The following CDH13 variants were observed in gnomAD, a reference collection of about 807,000 sequenced individuals.
The protein encoded by CDH13 is cadherin-13.
A neutral mutation model predicts 63.8 loss-of-function variants in CDH13; 24 were observed. The observed-to-expected ratio is 0.38, with a 90% confidence interval of 0.27 to 0.53. CDH13 has a LOEUF of 0.53. Among genes scored for constraint, CDH13 ranks in the 20% least tolerant of loss-of-function variants. The pLI is 0.85. For missense variants in CDH13, 1,049 were observed against 903.1 expected (o/e 1.16, Z -2.07); for synonymous variants, 503 against 355.3 (o/e 1.42, Z -4.67).
At chr16:83,147,123 G>A (rs1209154231) in intron 4 of CDH13, among the ~76,000 whole-genome samples, 2 of 152,188 alleles carry the variant, frequency 1.3e-5, no homozygotes, top group African/African-American at 4.8e-5. Flanking sequence ...CTCCAAAGGT[G>A]GAGCGATAGC....
chr16:83,551,943 A>T (rs2150672010), intron 7 of CDH13, among the ~76,000 whole-genome samples: 1 of 152,324 alleles, frequency 6.6e-6, no homozygotes, highest in East Asian at 1.9e-4. Context: ...TGGGTAGATA[A>T]GTGGATAGGT....
chr16:83,704,918 G>C (rs754573082), intron 10 of CDH13, among the ~76,000 whole-genome samples: 1 of 152,184 alleles, frequency 6.6e-6, no homozygotes, highest in Non-Finnish European at 1.5e-5. Flanking sequence ...GTGCTCCCTG[G>C]AGTTGAACTC....
intron 4 of CDH13, among the ~76,000 whole-genome samples, chr16:83,202,014 A>C (rs1298311319): frequency 1.3e-5 from 2 of 152,206 alleles, no homozygotes; most frequent in Non-Finnish European, 2.9e-5. Flanking sequence ...CATTTACACA[A>C]GCATTAAGAA....
chr16:82,873,985 A>G (rs1483772542), intron 2 of CDH13, among the ~76,000 whole-genome samples: 4 of 152,116 alleles, frequency 2.6e-5, no homozygotes, highest in Non-Finnish European at 5.9e-5. Context: ...TCTATGAAAA[A>G]TATTTGAGAA....
chr16:83,771,816 T>G (rs927212049), intron 11 of CDH13, among the ~76,000 whole-genome samples: 7 of 152,204 alleles, frequency 4.6e-5, no homozygotes, highest in Non-Finnish European at 1.0e-4. Context: ...TGCCTACAAG[T>G]CCTCATTTCC....
At chr16:83,423,510 C>T (rs1218469971) in intron 6 of CDH13, among the ~76,000 whole-genome samples, 2 of 150,266 alleles carry the variant, frequency 1.3e-5, no homozygotes, top group African/African-American at 2.4e-5. Context: ...AAAAAGCAAG[C>T]AAGAAAAACC....
In CDH13 at chr16:82,762,075, G is replaced by A. The variant is rs1044629787; in HGVS notation, c.46-96287G>A. Among the ~76,000 whole-genome samples the A allele has an allele frequency of 1.4e-4, 21 of 152,092 alleles. No homozygotes were observed. The East Asian group carries it at 1.7e-3, about 13-fold the overall frequency. On this transcript the variant is annotated intron_variant, in intron 1 of 13. Transcript: ENST00000567109. The stretch of plus-strand genomic sequence containing the variant: ...GAGCTGGAAAGTGAAACCACAAATC[G>A]GAAGCTAGAAAGGAAGCAGCTAGGC...
intron 5 of CDH13, among the ~76,000 whole-genome samples, chr16:83,308,395 T>C (rs2089926667): frequency 1.3e-5 from 2 of 152,232 alleles, no homozygotes; most frequent in African/African-American, 4.8e-5. Flanking sequence ...TTCTAGATTT[T>C]CCTGGTGAGA....
At chr16:83,308,513 T>A (rs1265825725) in intron 5 of CDH13, among the ~76,000 whole-genome samples, 1 of 152,208 alleles carries the variant, frequency 6.6e-6, no homozygotes, top group Non-Finnish European at 1.5e-5. Flanking sequence ...TAGGAATTTT[T>A]CAGTATAAGG....
intron 1 of CDH13, among the ~76,000 whole-genome samples, chr16:82,667,598 A>G (rs1432002729): frequency 5.9e-5 from 9 of 152,094 alleles, no homozygotes; most frequent in Admixed American, 5.2e-4. Flanking sequence ...TTCAGAGAGG[A>G]GTTGTCTGAT....
intron 1 of CDH13, among the ~76,000 whole-genome samples, chr16:82,751,444 A>T (rs998232163): frequency 1.3e-5 from 2 of 151,990 alleles, no homozygotes; most frequent in African/African-American, 4.8e-5. Flanking sequence ...TAGCCACCTG[A>T]TCCCTGACCT....
chr16:82,951,398 G>A (rs1361488657), intron 2 of CDH13, among the ~76,000 whole-genome samples: 4 of 152,158 alleles, frequency 2.6e-5, no homozygotes, highest in Admixed American at 2.6e-4. Context: ...TACAAGAAAT[G>A]GGTCCTGATA....
intron 8 of CDH13, among the ~76,000 whole-genome samples, chr16:83,653,796 A>G (rs1042989776): frequency 3.3e-5 from 5 of 152,194 alleles, no homozygotes; most frequent in Non-Finnish European, 7.3e-5. Flanking sequence ...TCACTCCCAC[A>G]TAGGGACAAC....
At chr16:83,019,174 A>C (rs917037247) in intron 2 of CDH13, among the ~76,000 whole-genome samples, 3 of 152,238 alleles carry the variant, frequency 2.0e-5, no homozygotes, top group Non-Finnish European at 4.4e-5. Flanking sequence ...CTTAGCTTAC[A>C]ACACAAACAC....
chr16:83,711,403 G>T (rs533996827), intron 10 of CDH13, among the ~76,000 whole-genome samples: 51 of 152,288 alleles, frequency 3.3e-4, no homozygotes, highest in African/African-American at 1.2e-3. Context: ...CTTTATCTTA[G>T]TGTAATCAGT....
intron 1 of CDH13, among the ~76,000 whole-genome samples, chr16:82,856,636 G>A (rs1341048564): frequency 4.4e-5 from 6 of 136,810 alleles, no homozygotes; most frequent in African/African-American, 1.4e-4. Flanking sequence ...CAGGAGGTTG[G>A]GTCTGCAGTG....
intron 10 of CDH13, among the ~76,000 whole-genome samples, chr16:83,725,137 A>G (rs1339007596): frequency 6.6e-6 from 1 of 152,220 alleles, no homozygotes; most frequent in Non-Finnish European, 1.5e-5. Flanking sequence ...ACAGCAGCAG[A>G]GAGAAAGGCA....
At chr16:83,026,766 C>T (rs1234767213) in intron 2 of CDH13, among the ~76,000 whole-genome samples, 1 of 152,148 alleles carries the variant, frequency 6.6e-6, no homozygotes, top group African/African-American at 2.4e-5. Flanking sequence ...ATAGTAGTGC[C>T]ATGACTGTTG....
chr16:83,083,250 C>T (rs1435436229), intron 3 of CDH13, among the ~76,000 whole-genome samples: 3 of 152,190 alleles, frequency 2.0e-5, no homozygotes, highest in South Asian at 2.1e-4. Flanking sequence ...AAGAGCCCAA[C>T]TGGTGTTTTT....
Sources: allele counts gnomAD v4.1 joint callset (sites outside exome capture counted in the v4.1 genomes callset), GRCh38; gene constraint gnomAD v4.1.1; transcripts MANE v1.5; gene names NCBI Gene and HGNC (gene_info 2026-07-23, HGNC 2026-07-21).